Variants in NUMA1 observed in about 807,000 individuals in gnomAD.
NUMA1 encodes SP-H antigen.
NUMA1 carries 62 observed loss-of-function variants against 237.1 expected under a neutral mutation model. That is an observed-to-expected ratio of 0.26 (90% CI 0.21 to 0.32). NUMA1 has a LOEUF of 0.32. Ranked by LOEUF, NUMA1 falls within the 10% of genes least tolerant of loss-of-function variation. NUMA1 has a pLI of 1.00. For synonymous variants in NUMA1, 1,028 were observed against 1,066.1 expected (o/e 0.96, Z 0.70); for missense variants, 2,533 against 2,666.5 (o/e 0.95, Z 1.10).
intron 2 of NUMA1, among the ~76,000 whole-genome samples, chr11:72,037,340 C>G (rs1027823017): frequency 6.6e-6 from 1 of 152,102 alleles, no homozygotes; most frequent in Non-Finnish European, 1.5e-5. Context: ...CCCGTCTCTA[C>G]TAAAAATACA....
chr11:72,057,146 T>C (rs1255447869), intron 2 of NUMA1, among the ~76,000 whole-genome samples: 1 of 151,732 alleles, frequency 6.6e-6, no homozygotes, highest in Non-Finnish European at 1.5e-5. Flanking sequence ...GGTAGCTCAA[T>C]TGTGGGATAA....
At chr11:72,035,033 T>A (rs1478481451) in intron 3 of NUMA1, among the ~76,000 whole-genome samples, 1 of 152,068 alleles carries the variant, frequency 6.6e-6, no homozygotes, top group Non-Finnish European at 1.5e-5. Flanking sequence ...ATTTTTTAAT[T>A]TTTTGTAGAG....
chr11:72,031,442 T>C (rs773689338), intron 3 of NUMA1, among the ~76,000 whole-genome samples: 7 of 152,226 alleles, frequency 4.6e-5, no homozygotes, highest in Non-Finnish European at 8.8e-5. Context: ...TTTTTAAAAA[T>C]CAATGATTTC....
chr11:72,017,941 T>C, intron 12 of NUMA1, 114 bp from the exon 13 acceptor site: 1 of 1,277,968 alleles, frequency 7.8e-7, no homozygotes, highest in East Asian at 2.4e-5. Context: ...GCCAACCCTC[T>C]ACAAACCAAT....
chr11:72,052,548 A>T (rs1261079348), intron 2 of NUMA1, among the ~76,000 whole-genome samples: 1 of 152,112 alleles, frequency 6.6e-6, no homozygotes, highest in African/African-American at 2.4e-5. Flanking sequence ...CAGGTGGATC[A>T]TGAGGTCAGG....
Position 72,007,170 on chromosome 11 carries a change from CCTGTCCCAGCAGCCT to C in NUMA1, c.5463+4_5463+18del. ...AAGTGGGAATTGCTGCCCTGCAGCC[CCTGTCCCAGCAGCCT>C]GACCTTGGTCATGGTGATGTTGATG... is the stretch of plus-strand genomic sequence containing the variant. On this transcript the variant is annotated splice_donor_5th_base_variant and intron_variant, in intron 21 of 26. Coordinates refer to ENST00000393695, the MANE Select transcript of NUMA1 (RefSeq NM_006185.4). The C allele has an allele frequency of 6.2e-7, 1 of 1,603,984 alleles. No individual in the cohort carries two copies. The highest frequency in any genetic ancestry group is 8.5e-7 in the Non-Finnish European group (1 of 1,179,702).
chr11:72,061,073 T>A (rs1030345505), intron 2 of NUMA1, among the ~76,000 whole-genome samples: 4 of 151,678 alleles, frequency 2.6e-5, no homozygotes, highest in African/African-American at 9.7e-5. Context: ...CTAAAAAAAT[T>A]TAAAAAATTA....
Position 72,013,962 on chromosome 11 carries a change from T to C in NUMA1, c.3541A>G (p.Ser1181Gly). ...TGGGCCGAGGCTAAGGCACTCTGAC[T>C]GTGCCCTAGCTCCTGGGCCTTCTCC... ...LEEKAQELGH[S>G]QSALASAQRE... The change falls in exon 15 of 27, where the codon AGT (serine) becomes GGT (glycine). Residue 1181 changes from serine (S) to glycine (G), a missense_variant. By Grantham distance (56) the Ser-to-Gly change is moderately conservative. Coordinates refer to ENST00000393695, the MANE Select transcript of NUMA1 (RefSeq NM_006185.4). This position sits in a 1 kb window ranked among gnomAD's most constrained non-coding sequence, Gnocchi z 6.8. 6.2e-7 allele frequency: 1 copy of C among 1,613,708 alleles called. No homozygotes were observed.
At chr11:72,004,167 C>G in intron 25 of NUMA1, 58 bp downstream of exon 25, 1 of 1,607,380 alleles carries the variant, frequency 6.2e-7, no homozygotes, top group South Asian at 1.1e-5. Flanking sequence ...CTGTGCCACG[C>G]TCTATCAGCA....
In NUMA1 at chr11:72,018,433, G is replaced by T; in HGVS notation, c.823C>A (p.Pro275Thr). 2 of 1,614,144 alleles carry T rather than the reference G, an allele frequency of 1.2e-6. No individual in the cohort carries two copies. The highest frequency in any genetic ancestry group is 2.2e-5 in the South Asian group (2 of 91,086). ...TCACGCAGCTCCTCAAGCTCCTTGGGCTCCAGTGGGCTGGCCGCCTGCTTC... is the reference window on the plus strand; with the variant it reads ...TCACGCAGCTCCTCAAGCTCCTTGGTCTCCAGTGGGCTGGCCGCCTGCTTC... ...NEKQAASPLEPKELEELRDKN... is the reference protein window; with the variant it reads ...NEKQAASPLETKELEELRDKN... Residue 275 changes from proline (P) to threonine (T), a missense_variant, in exon 11 of 27, where the codon CCC becomes ACC. Physicochemically the swap from Pro to Thr is conservative, Grantham distance 38. Around this residue, in one of 3 missense-constraint regions of NUMA1, gnomAD observed 1,414 missense variants for 1,508.1 expected, o/e 0.94. Coordinates refer to ENST00000393695, the MANE Select transcript of NUMA1 (RefSeq NM_006185.4).
Position 72,017,830 on chromosome 11 carries a change from G to T in NUMA1, c.979-3C>A. ...AGATGACTGGCAAACTCCCGCAGCTGAGACGGGCAAGTGAGAATCCCCATC... is the reference window on the plus strand; with the variant it reads ...AGATGACTGGCAAACTCCCGCAGCTTAGACGGGCAAGTGAGAATCCCCATC... On this transcript the variant is annotated splice_region_variant and splice_polypyrimidine_tract_variant and intron_variant, in intron 12 of 26. Transcript: ENST00000393695. The T allele has an allele frequency of 6.3e-7, 1 of 1,586,670 alleles. No individual in the cohort carries two copies.
At chr11:72,074,832 G>A (rs768771253) in intron 1 of NUMA1, among the ~76,000 whole-genome samples, 8 of 152,020 alleles carry the variant, frequency 5.3e-5, no homozygotes, top group Non-Finnish European at 7.4e-5. Context: ...TCAGGAGTTC[G>A]AGACCAGCCT....
At position 72,014,779 on chromosome 11, in the gene NUMA1, CT is replaced by C; in HGVS notation, c.2723del (p.Lys908ArgfsTer30). ...LADDLSTLQE[K>X]MAATSKEVAR... ...CCACCTCTTTGCTGGTGGCAGCCAT[CT>C]TTTCCTGCAGAGTGGAGAGGTCATC... On this transcript the variant is annotated frameshift_variant, in exon 15 of 27. Coordinates refer to ENST00000393695, the MANE Select transcript of NUMA1 (RefSeq NM_006185.4). LOFTEE classifies it high-confidence loss of function. This position sits in a 1 kb window ranked among gnomAD's most constrained non-coding sequence, Gnocchi z 4.6. 2 of 1,614,224 alleles carry C rather than the reference CT, an allele frequency of 1.2e-6. No individual in the cohort carries two copies. The highest frequency in any genetic ancestry group is 1.7e-6 in the Non-Finnish European group (2 of 1,180,052).
At chr11:72,027,649 C>T (rs1939757062) in intron 4 of NUMA1, among the ~76,000 whole-genome samples, 1 of 152,060 alleles carries the variant, frequency 6.6e-6, no homozygotes, top group South Asian at 2.1e-4. Context: ...TCTTAAACAC[C>T]AGGCTGAAGA....
intron 1 of NUMA1, among the ~76,000 whole-genome samples, chr11:72,079,720 A>T (rs35637962): frequency 6.7e-6 from 1 of 148,526 alleles, no homozygotes; most frequent in African/African-American, 2.5e-5. Flanking sequence ...GTGAGAGTCC[A>T]TGGATGAAAA....
intron 3 of NUMA1, among the ~76,000 whole-genome samples, chr11:72,033,865 A>G (rs776749159): frequency 2.0e-4 from 31 of 152,088 alleles, no homozygotes; most frequent in Non-Finnish European, 3.4e-4. Context: ...TACCAAAAAT[A>G]TAAAACATTG....
At chr11:72,048,784 T>C (rs1001860118) in intron 2 of NUMA1, among the ~76,000 whole-genome samples, 1 of 152,040 alleles carries the variant, frequency 6.6e-6, no homozygotes, top group Non-Finnish European at 1.5e-5. Context: ...GGGCCAAAAC[T>C]CCTCTAAAAA....
Position 72,014,212 on chromosome 11 carries a change from T to C in NUMA1, c.3291A>G (p.Lys1097=). 6.2e-7 allele frequency: 1 copy of C among 1,614,094 alleles called. No homozygotes were observed. Among genetic ancestry groups the C allele is most frequent in the Non-Finnish European group, 8.5e-7 (1 of 1,180,050 alleles). The change falls in exon 15 of 27, where the codon AAA becomes AAG. Residue 1097 remains lysine (K), a synonymous_variant. Coordinates refer to ENST00000393695, the MANE Select transcript of NUMA1 (RefSeq NM_006185.4). The surrounding 1 kb of genome is among the most constrained non-coding windows in gnomAD (Gnocchi z 4.6). ...CTGAGCCAGATGCGTGCTCCTTTTC[T>C]TTCTTAGCCAGCTGTTCCTTCAGTT... ...VKQLKEQLAK[K]EKEHASGSGA...
chr11:72,056,635 T>TAAAACAAAAAAAAA (rs1942662658), intron 2 of NUMA1, among the ~76,000 whole-genome samples: 1 of 76,010 alleles, frequency 1.3e-5, no homozygotes. Flanking sequence ...CCCATCTCTT[T>TAAAACAAAAAAAAA]AAAAAAAAAA....
Sources: gnomAD v4.1 joint callset for allele counts (sites outside exome capture counted in the v4.1 genomes callset) on GRCh38, gnomAD v4.1.1 for gene constraint, gnomAD v4.1.1 regional missense constraint, Gnocchi (gnomAD v3.1) non-coding constraint, MANE v1.5 for transcripts, NCBI Gene and HGNC (gene_info 2026-07-23, HGNC 2026-07-21) for gene names.